Variants in MOV10L1 observed in about 807,000 individuals in gnomAD.
MOV10L1 encodes the protein Mov10 like RNA helicase 1.
In MOV10L1, 110 loss-of-function variants were observed where a neutral mutation model predicts 143.8. That is an observed-to-expected ratio of 0.76 (90% CI 0.66 to 0.90). The LOEUF (loss-of-function observed/expected upper bound fraction) is 0.90. Among genes scored for constraint, MOV10L1 ranks in the 40% least tolerant of loss-of-function variants. The pLI is 0.00. For missense variants in MOV10L1, 1,406 were observed against 1,526.8 expected (o/e 0.92, Z 1.32); for synonymous variants, 593 against 581.1 (o/e 1.02, Z -0.29).
At chr22:50,095,536 G>T (rs1460232348) in intron 2 of MOV10L1, 1 of 152,202 alleles carries the variant, frequency 6.6e-6, no homozygotes, top group Non-Finnish European at 1.5e-5. Context: ...CTGTAGAGAT[G>T]ATGTTTACCT....
At position 50,125,615 on chromosome 22, in the gene MOV10L1, A is replaced by G. The variant is rs1216581899; in HGVS notation, c.1747+46A>G. The G allele has an allele frequency of 2.6e-6, 4 of 1,565,906 alleles. No homozygotes were observed. The South Asian group carries it at 3.5e-5, about 14-fold the overall frequency. On this transcript the variant is annotated intron_variant, in intron 11 of 26. Transcript: ENST00000262794. ...CTTCCCTGGGTGGACTAGCAGAGAA[A>G]CCATACTTGAGAGAAGATACTCTTT...
intron 15 of MOV10L1, among the ~76,000 whole-genome samples, chr22:50,139,415 A>G (rs2062919268): frequency 6.6e-6 from 1 of 152,056 alleles, no homozygotes; most frequent in African/African-American, 2.4e-5. Context: ...TGCTGCTGAA[A>G]AGACATTGTT....
At chr22:50,115,288 T>C in intron 8 of MOV10L1, 42 bp downstream of exon 8, 1 of 1,458,266 alleles carries the variant, frequency 6.9e-7, no homozygotes, top group Non-Finnish European at 9.0e-7. Context: ...TTTTTAAGTT[T>C]CTCTGATACT....
At chr22:50,102,541 T>C (rs950272361) in intron 3 of MOV10L1, among the ~76,000 whole-genome samples, 1 of 152,206 alleles carries the variant, frequency 6.6e-6, no homozygotes, top group Non-Finnish European at 1.5e-5. Context: ...GTGCTTGCTG[T>C]GCTAGACACT....
In MOV10L1 at chr22:50,114,592, A is replaced by G; in HGVS notation, c.1096A>G (p.Ser366Gly). 1 of 1,614,138 alleles carries G rather than the reference A, an allele frequency of 6.2e-7. No individual in the cohort carries two copies. The highest frequency in any genetic ancestry group is 8.5e-7 in the Non-Finnish European group (1 of 1,180,022). The change falls in exon 7 of 27, where the codon AGT becomes GGT. Residue 366 changes from serine (S) to glycine (G), a missense_variant. Transcript: ENST00000262794. ...CAAAACCTCTCAGATGTCGGAGAGC[A>G]GTTTGGTGAACAACAGAGGAATCTC... The part of the protein sequence containing the change: ...KNKTSQMSES[S>G]LVNNRGISPG...
Position 50,090,100 on chromosome 22 carries a change from C to CGCA in MOV10L1, c.15_17dup (p.Ala6dup). ...GCCGGGCGAGGGCCATGCTGAGCCT[C>CGCA]GCAGCCAAGCTGGTGGCCTTCTTCT... On this transcript the variant is annotated inframe_insertion, in exon 1 of 27. Coordinates refer to ENST00000262794, the MANE Select transcript of MOV10L1 (RefSeq NM_018995.3). 7.4e-7 allele frequency: 1 copy of CGCA among 1,351,022 alleles called. No homozygotes were observed. 83.7% of individuals were successfully genotyped at this position (1,351,022 alleles called of 1,614,324 possible).
Position 50,130,311 on chromosome 22 carries a change from C to A in MOV10L1, c.1910+1804C>A, listed in dbSNP as rs535233192. 5.9e-5 allele frequency among the ~76,000 whole-genome samples: 9 copies of A among 151,912 alleles called. No individual in the cohort carries two copies. In the East Asian group the frequency reaches 1.7e-3, roughly 29 times the overall value. On this transcript the variant is annotated intron_variant, in intron 13 of 26. Transcript: ENST00000262794. Reference sequence around the variant, plus strand: ...ATAAATAAATTTTATATATATATGTCTTTTTATTAACAGAAGGTGCTAGTT... The same window carrying A: ...ATAAATAAATTTTATATATATATGTATTTTTATTAACAGAAGGTGCTAGTT...
At chr22:50,146,247 G>A (rs34298991) in intron 19 of MOV10L1, among the ~76,000 whole-genome samples, 77 of 151,914 alleles carry the variant, frequency 5.1e-4, no homozygotes, top group African/African-American at 1.8e-3. Context: ...TGGAGTGGGC[G>A]TGGGGAGGCA....
chr22:50,140,233 G>A (rs1402676815), intron 15 of MOV10L1, among the ~76,000 whole-genome samples: 1 of 152,214 alleles, frequency 6.6e-6, no homozygotes, highest in Non-Finnish European at 1.5e-5. Context: ...TATGAAGTTC[G>A]AGAGCATGTG....
Position 50,161,369 on chromosome 22 carries a change from T to A in MOV10L1, c.3556T>A (p.Cys1186Ser). 6.3e-7 allele frequency: 1 copy of A among 1,593,126 alleles called. No individual in the cohort carries two copies. Among genetic ancestry groups the A allele is most frequent in the Non-Finnish European group, 8.5e-7 (1 of 1,169,878 alleles). Residue 1186 changes from cysteine (C) to serine (S), a missense_variant and splice_region_variant, in exon 27 of 27, where the codon TGT becomes AGT. Around this residue, in one of 3 missense-constraint regions of MOV10L1, gnomAD observed 1,233 missense variants for 1,351.4 expected, o/e 0.91. Transcript: ENST00000262794. ...LPPALQSLQN[C>S]GEGVADPSYP... ...CATCCGCTTCTCCTCTGTCTACAGC[T>A]GTGGCGAGGGGGTGGCAGACCCCTC...
intron 13 of MOV10L1, among the ~76,000 whole-genome samples, chr22:50,129,065 G>T (rs960928566): frequency 2.0e-5 from 3 of 152,142 alleles, no homozygotes; most frequent in Non-Finnish European, 4.4e-5. Flanking sequence ...TGTGGTTGAC[G>T]TGTATAGGCC....
chr22:50,123,704 T>A (rs1467264785), intron 10 of MOV10L1, among the ~76,000 whole-genome samples: 1 of 152,250 alleles, frequency 6.6e-6, no homozygotes, highest in Non-Finnish European at 1.5e-5. Context: ...CCTCTTGAAT[T>A]TTTTGGAAAA....
At chr22:50,143,763 C>T (rs1209620981) in intron 17 of MOV10L1, among the ~76,000 whole-genome samples, 3 of 152,258 alleles carry the variant, frequency 2.0e-5, no homozygotes, top group African/African-American at 7.2e-5. Flanking sequence ...AGACCATCTA[C>T]ATTTAGCGTC....
intron 22 of MOV10L1, among the ~76,000 whole-genome samples, chr22:50,157,391 T>C (rs1362480932): frequency 6.6e-6 from 1 of 152,202 alleles, no homozygotes; most frequent in African/African-American, 2.4e-5. Flanking sequence ...TGGTGTCGTA[T>C]CCAAGAAGTC....
chr22:50,108,663 A>G lies in MOV10L1; in HGVS notation c.562A>G (p.Ile188Val), dbSNP rs2061940018. ...LRYKRVDKVC[I>V]SSLCGRNGVL... Reference sequence around the variant, plus strand: ...CTCAGCTCTCTGCTCCCAGGTCTGCATCTCTAGCCTCTGTGGAAGGAACGG... The same window carrying G: ...CTCAGCTCTCTGCTCCCAGGTCTGCGTCTCTAGCCTCTGTGGAAGGAACGG... Residue 188 changes from isoleucine (I) to valine (V), a missense_variant, in exon 5 of 27, where the codon ATC becomes GTC. By Grantham distance (29) the Ile-to-Val change is conservative. This residue lies in a region of MOV10L1 where 1,233 missense variants were observed against 1,351.4 expected (regional missense o/e 0.91). Transcript: ENST00000262794. 6.2e-7 allele frequency: 1 copy of G among 1,613,928 alleles called. No individual in the cohort carries two copies.
At chr22:50,131,016 T>A (rs1217564174) in intron 13 of MOV10L1, among the ~76,000 whole-genome samples, 7 of 151,722 alleles carry the variant, frequency 4.6e-5, no homozygotes, top group Non-Finnish European at 7.4e-5. Flanking sequence ...CCTGCCTCAG[T>A]CTCCCGAGTA....
At chr22:50,103,496 G>A (rs1324808718) in intron 3 of MOV10L1, among the ~76,000 whole-genome samples, 1 of 152,166 alleles carries the variant, frequency 6.6e-6, no homozygotes, top group African/African-American at 2.4e-5. Context: ...ACTGGAGGCT[G>A]TTTAGCTGCA....
intron 13 of MOV10L1, among the ~76,000 whole-genome samples, chr22:50,133,025 C>T (rs1479673990): frequency 1.3e-5 from 2 of 148,578 alleles, no homozygotes; most frequent in African/African-American, 4.9e-5. Context: ...ACAGAGCAAG[C>T]CTCCGTCTGA....
chr22:50,150,547 C>T (rs1278864231), intron 20 of MOV10L1, among the ~76,000 whole-genome samples, 188 bp from the exon 21 acceptor site: 3 of 152,230 alleles, frequency 2.0e-5, no homozygotes, highest in Admixed American at 1.3e-4. Flanking sequence ...GGCAGGACTT[C>T]AGGGGGAAGC....
Sources: allele counts gnomAD v4.1 joint callset (sites outside exome capture counted in the v4.1 genomes callset), GRCh38; gene constraint gnomAD v4.1.1; regional missense constraint gnomAD v4.1.1; transcripts MANE v1.5; gene names NCBI Gene and HGNC (gene_info 2026-07-23, HGNC 2026-07-21).